PCDHGA6: variants seen among roughly 807,000 people sequenced by gnomAD.
The protein encoded by PCDHGA6 is protocadherin gamma subfamily A, 6, also known as protocadherin gamma-A6.
PCDHGA6 carries 41 observed loss-of-function variants against 60.6 expected under a neutral mutation model. That is an observed-to-expected ratio of 0.68 (90% CI 0.53 to 0.88). The LOEUF is 0.88. Ranked by LOEUF, PCDHGA6 falls within the 40% of genes least tolerant of loss-of-function variation. The probability of loss-of-function intolerance (pLI) is 0.00; values close to 1 mark genes in which losing one functional copy is unlikely to be tolerated. For synonymous variants in PCDHGA6, 594 were observed against 524.4 expected, an observed-to-expected ratio of 1.13 and a Z score of -1.81; for missense variants, 1,312 against 1,203.0, an observed-to-expected ratio of 1.09 and a Z score of -1.34.
At chr5:141,510,799 C>G in intron 3 of PCDHGA6, 148 bp from the exon 4 acceptor site, 1 of 1,481,460 alleles carries the variant, frequency 6.8e-7, no homozygotes. Context: ...TGAAGAGAGA[C>G]TACCTTGGTG....
At chr5:141,409,098 G>A in intron 1 of PCDHGA6, 2 of 1,613,994 alleles carry the variant, frequency 1.2e-6, no homozygotes, top group Non-Finnish European at 1.7e-6. Flanking sequence ...GAGAAAACAG[G>A]TATGATTAAG....
chr5:141,400,062 T>A (rs2093953641), intron 1 of PCDHGA6: 2 of 1,613,652 alleles, frequency 1.2e-6, no homozygotes, highest in Middle Eastern at 1.7e-4. Flanking sequence ...TGCGTGATGG[T>A]GGACAGCCGC....
In PCDHGA6 at chr5:141,490,889, T is replaced by G. The variant is rs568838001; in HGVS notation, c.2425-3918T>G. The G allele has an allele frequency of 6.2e-7, 1 of 1,613,406 alleles. No homozygotes were observed. Among genetic ancestry groups the G allele is most frequent in the Non-Finnish European group, 8.5e-7 (1 of 1,179,428 alleles). ...CCCCCATTGCATGCCAACACATCTCTGCATGTGTTTGTCCTAGACGAGAAT... is the reference window on the plus strand; with the variant it reads ...CCCCCATTGCATGCCAACACATCTCGGCATGTGTTTGTCCTAGACGAGAAT... On this transcript the variant is annotated intron_variant, in intron 1 of 3. Coordinates refer to ENST00000517434, the MANE Select transcript of PCDHGA6 (RefSeq NM_018919.3). This position sits in a 1 kb window ranked among gnomAD's most constrained non-coding sequence, Gnocchi z 5.4.
chr5:141,399,721 G>C, intron 1 of PCDHGA6: 1 of 1,613,292 alleles, frequency 6.2e-7, no homozygotes, highest in Non-Finnish European at 8.5e-7. Flanking sequence ...ACAGGCCCGC[G>C]ACCAGGGCTC....
intron 1 of PCDHGA6, chr5:141,413,247 C>T (rs1168509242): frequency 1.2e-6 from 2 of 1,613,822 alleles, no homozygotes; most frequent in African/African-American, 2.7e-5. Flanking sequence ...GCCTTTTCTT[C>T]GGGATTCCAT....
Position 141,489,338 on chromosome 5 carries a change from A to T in PCDHGA6, c.2425-5469A>T, listed in dbSNP as rs1303176012. 1 of 1,608,414 alleles carries T rather than the reference A, an allele frequency of 6.2e-7. No homozygotes were observed. Among genetic ancestry groups the T allele is most frequent in the South Asian group, 1.1e-5 (1 of 90,478 alleles). ...GGCTGGGTGTCTGGGCAGCTTCGTTACTCAGTGGTGGAGGAGTCTGAGCCG... is the reference window on the plus strand; with the variant it reads ...GGCTGGGTGTCTGGGCAGCTTCGTTTCTCAGTGGTGGAGGAGTCTGAGCCG... On this transcript the variant is annotated intron_variant, in intron 1 of 3. Coordinates refer to ENST00000517434, the MANE Select transcript of PCDHGA6 (RefSeq NM_018919.3). This position sits in a 1 kb window ranked among gnomAD's most constrained non-coding sequence, Gnocchi z 4.5.
intron 1 of PCDHGA6, chr5:141,423,869 T>A (rs1239422805): frequency 5.4e-6 from 7 of 1,285,484 alleles, no homozygotes; most frequent in Non-Finnish European, 6.9e-6. Flanking sequence ...TGAAAGTCAT[T>A]TTTCAATCTT....
chr5:141,480,336 G>A (rs755963190), intron 1 of PCDHGA6, among the ~76,000 whole-genome samples: 1 of 151,988 alleles, frequency 6.6e-6, no homozygotes, highest in Non-Finnish European at 1.5e-5. Flanking sequence ...AATTGCTTGA[G>A]CCTGGGAGGT....
In PCDHGA6 at chr5:141,431,508, G is replaced by A. The variant is rs774545870; in HGVS notation, c.2424+55001G>A. ...TTTGCTCAGCCCGAGTACCGCGCGA[G>A]CGTTCCGGAGAATCTGGCCTTGGGC... On this transcript the variant is annotated intron_variant, in intron 1 of 3. Coordinates refer to ENST00000517434, the MANE Select transcript of PCDHGA6 (RefSeq NM_018919.3). The surrounding 1 kb of genome is among the most constrained non-coding windows in gnomAD (Gnocchi z 4.8). 12 of 1,613,914 alleles carry A rather than the reference G, an allele frequency of 7.4e-6. No individual in the cohort carries two copies. Among genetic ancestry groups the A allele is most frequent in the East Asian group, 2.2e-5 (1 of 44,904 alleles).
At chr5:141,391,149 G>C (rs1487749660) in intron 1 of PCDHGA6, 1 of 152,032 alleles carries the variant, frequency 6.6e-6, no homozygotes, top group Non-Finnish European at 1.5e-5. Context: ...CTCTAGGAAA[G>C]AAATATAGTC....
chr5:141,403,532 C>T (rs1313886103), intron 1 of PCDHGA6: 2 of 1,613,892 alleles, frequency 1.2e-6, no homozygotes, highest in African/African-American at 2.7e-5. Context: ...AAACCCAGAG[C>T]TGGTGCTGGA....
At chr5:141,443,321 A>AC (rs1175439570) in intron 1 of PCDHGA6, among the ~76,000 whole-genome samples, 1 of 151,616 alleles carries the variant, frequency 6.6e-6, no homozygotes, top group African/African-American at 2.4e-5. Flanking sequence ...TCTCTACAAA[A>AC]AAAAAAAACA....
At chr5:141,406,777 C>G (rs1235306644) in intron 1 of PCDHGA6, among the ~76,000 whole-genome samples, 1 of 152,150 alleles carries the variant, frequency 6.6e-6, no homozygotes, top group Non-Finnish European at 1.5e-5. Flanking sequence ...ATTTCTCTCA[C>G]TTATATATTA....
rs72790032 is a variant in PCDHGA6 at position 141,393,544 on chromosome 5, A to G, written c.2424+17037A>G. On this transcript the variant is annotated intron_variant, in intron 1 of 3. Coordinates refer to ENST00000517434, the MANE Select transcript of PCDHGA6 (RefSeq NM_018919.3). ...AATGACAATGCCCCGGTTTTTCCTC[A>G]CCCGATTTACCGAGTGAAAGTCCTT... 18,579 of 1,613,800 alleles carry G rather than the reference A, an allele frequency of 0.012. 149 individuals carry two copies. The highest frequency in any genetic ancestry group is 0.014 in the Non-Finnish European group (16,983 of 1,179,880).
chr5:141,421,433 C>T, intron 1 of PCDHGA6: 1 of 1,614,074 alleles, frequency 6.2e-7, no homozygotes, highest in African/African-American at 1.3e-5. Flanking sequence ...CGCATCGTCT[C>T]CAGAGGGAAG....
chr5:141,391,303 ATTCTTTTTTTT>A (rs2092340493), intron 1 of PCDHGA6: 1 of 150,682 alleles, frequency 6.6e-6, no homozygotes, highest in South Asian at 2.1e-4. Flanking sequence ...ACGTCTTTCG[ATTCTTTTTTTT>A]TTCTTTTTTT....
At chr5:141,415,871 G>T (rs2095966585) in intron 1 of PCDHGA6, 2 of 1,074,308 alleles carry the variant, frequency 1.9e-6, no homozygotes, top group South Asian at 2.3e-5. Context: ...TAGTGTTGTT[G>T]AGTACAATAT....
At chr5:141,479,312 A>G (rs1218187495) in intron 1 of PCDHGA6, 5 of 152,526 alleles carry the variant, frequency 3.3e-5, no homozygotes, top group African/African-American at 9.6e-5. Context: ...GAAAACATAA[A>G]GTAGCCAGAC....
At chr5:141,443,131 A>C (rs1042010214) in intron 1 of PCDHGA6, among the ~76,000 whole-genome samples, 2 of 152,144 alleles carry the variant, frequency 1.3e-5, no homozygotes, top group African/African-American at 4.8e-5. Flanking sequence ...GATTAAGAAC[A>C]CTATCATAAG....
Sources: allele counts gnomAD v4.1 joint callset (sites outside exome capture counted in the v4.1 genomes callset), GRCh38; gene constraint gnomAD v4.1.1; non-coding constraint Gnocchi (gnomAD v3.1); transcripts MANE v1.5; gene names NCBI Gene and HGNC (gene_info 2026-07-23, HGNC 2026-07-21).